Variants in TAF8 observed in about 807,000 individuals in gnomAD.
TAF8 encodes the protein transcription initiation factor TFIID subunit 8.
In TAF8, 47 loss-of-function variants were observed where a neutral mutation model predicts 36.5. The observed-to-expected ratio is 1.29, with a 90% confidence interval of 1.02 to 1.64. The LOEUF is 1.64. Among genes scored for constraint, TAF8 ranks in the 40% most tolerant of loss-of-function variants. TAF8 has a pLI of 0.00. For synonymous variants in TAF8, 175 were observed against 159.5 expected, an observed-to-expected ratio of 1.10 and a Z score of -0.73; for missense variants, 420 against 407.6, an observed-to-expected ratio of 1.03 and a Z score of -0.26.
chr6:42,076,524 T>C (rs1444572898), intron 7 of TAF8, among the ~76,000 whole-genome samples: 1 of 152,210 alleles, frequency 6.6e-6, no homozygotes, highest in African/African-American at 2.4e-5. Context: ...TGCTGGTACC[T>C]GCTGGCTCTG....
At position 42,051,529 on chromosome 6, in the gene TAF8, C is replaced by G. The variant is rs1471658400; in HGVS notation, c.202+16C>G. ...CTGCAGAGCTGTGAGTACATGGAAA[C>G]ACTTGGCCTTGGAGTCAACCCCAAC... is the stretch of plus-strand genomic sequence containing the variant. On this transcript the variant is annotated intron_variant, in intron 2 of 8. Coordinates refer to ENST00000372977, the MANE Select transcript of TAF8 (RefSeq NM_138572.3). 2 of 1,612,040 alleles carry G rather than the reference C, an allele frequency of 1.2e-6. No homozygotes were observed. The highest frequency in any genetic ancestry group is 8.5e-7 in the Non-Finnish European group (1 of 1,178,670).
At position 42,055,563 on chromosome 6, in the gene TAF8, T is replaced by TA; in HGVS notation, c.236dup (p.Tyr79Ter). 1.2e-6 allele frequency: 2 copies of TA among 1,614,212 alleles called. No individual in the cohort carries two copies. The highest frequency in any genetic ancestry group is 1.7e-6 in the Non-Finnish European group (2 of 1,180,024). ...AGAAATTGGGAGAAGTGCCAAGTCT[T>TA]ACTGTGAGCACACAGCCAGGACCCA... ...ISEIGRSAKS[Y>*]CEHTARTQPT... is the part of the protein sequence containing the mutation. The change falls in exon 3 of 9, where the codon TAC becomes TAAC. Residue 79 changes from tyrosine (Y) to a stop codon, truncating the protein, a stop_gained and frameshift_variant. Coordinates refer to ENST00000372977, the MANE Select transcript of TAF8 (RefSeq NM_138572.3). LOFTEE classifies it high-confidence loss of function.
At chr6:42,070,915 G>A (rs1765542286) in intron 7 of TAF8, among the ~76,000 whole-genome samples, 1 of 152,094 alleles carries the variant, frequency 6.6e-6, no homozygotes, top group African/African-American at 2.4e-5. Context: ...GACAACATGT[G>A]GGTTCAGAGA....
chr6:42,059,740 C>T (rs1048207720), intron 5 of TAF8, among the ~76,000 whole-genome samples: 2 of 152,170 alleles, frequency 1.3e-5, no homozygotes, highest in Non-Finnish European at 2.9e-5. Flanking sequence ...GTTTAGCCTC[C>T]GCCCAGGAAT....
At chr6:42,066,139 G>A (rs190293274) in intron 5 of TAF8, among the ~76,000 whole-genome samples, 173 bp from the exon 6 acceptor site, 1 of 152,334 alleles carries the variant, frequency 6.6e-6, no homozygotes, top group Admixed American at 6.5e-5. Flanking sequence ...GATCTCAGGT[G>A]ATCCACCAGC....
At position 42,056,858 on chromosome 6, in the gene TAF8, G is replaced by A. The variant is rs113680821; in HGVS notation, c.365-531G>A. 4.2e-3 allele frequency among the ~76,000 whole-genome samples: 645 copies of A among 152,178 alleles called. 3 individuals carry two copies. Among genetic ancestry groups the A allele is most frequent in the Middle Eastern group, 0.02 (6 of 294 alleles). The stretch of plus-strand genomic sequence containing the variant: ...TGACCTCGAGTGATCCGCCTGCCTC[G>A]GCCTCTCAGAGTGCTGGGATTACAG... On this transcript the variant is annotated intron_variant, in intron 4 of 8. Transcript: ENST00000372977.
downstream of TAF8, chr6:42,086,822 C>G: frequency 7.1e-7 from 1 of 1,406,160 alleles, no homozygotes; most frequent in Non-Finnish European, 9.8e-7. Context: ...AAGAAAGACA[C>G]ACACGGAAGC....
At chr6:42,086,945 CAACCCA>C (rs1252955338), downstream of TAF8, 3 of 640,262 alleles carry the variant, frequency 4.7e-6, no homozygotes, top group Non-Finnish European at 8.4e-6. Context: ...GTCATTCAGC[CAACCCA>C]GAGGATGTAG....
intron 5 of TAF8, among the ~76,000 whole-genome samples, chr6:42,062,135 G>A (rs1468735228): frequency 6.6e-6 from 1 of 152,004 alleles, no homozygotes; most frequent in Admixed American, 6.6e-5. Context: ...ATCATCTTCA[G>A]AAGAGAAAAA....
intron 7 of TAF8, among the ~76,000 whole-genome samples, chr6:42,076,819 G>A (rs781744183): frequency 1.1e-4 from 17 of 152,270 alleles, no homozygotes; most frequent in Non-Finnish European, 2.4e-4. Context: ...CCTCCCAGGT[G>A]TCTGTTCTTT....
chr6:42,051,476 A>C lies in TAF8; in HGVS notation c.165A>C (p.Lys55Asn). The change falls in exon 2 of 9, where the codon AAA (lysine) becomes AAC (asparagine). Residue 55 changes from lysine to asparagine, a missense_variant. Physicochemically the swap from Lys to Asn is moderately conservative, Grantham distance 94. Coordinates refer to ENST00000372977, the MANE Select transcript of TAF8 (RefSeq NM_138572.3). ...LTEAGFESAE[K>N]ASVETLTEML... is the part of the protein sequence containing the mutation. ...AGGCAGGGTTTGAGAGTGCCGAGAA[A>C]GCATCCGTGGAAACGCTGACAGAGA... is the stretch of plus-strand genomic sequence containing the variant. 1 of 1,614,124 alleles carries C rather than the reference A, an allele frequency of 6.2e-7. No homozygotes were observed.
intron 7 of TAF8, among the ~76,000 whole-genome samples, chr6:42,068,918 A>C (rs1765459240): frequency 6.6e-6 from 1 of 152,120 alleles, no homozygotes; most frequent in Non-Finnish European, 1.5e-5. Context: ...AGGAGATAGG[A>C]AGTGGGGATG....
At chr6:42,064,021 A>G (rs984043080) in intron 5 of TAF8, among the ~76,000 whole-genome samples, 1 of 152,216 alleles carries the variant, frequency 6.6e-6, no homozygotes, top group African/African-American at 2.4e-5. Flanking sequence ...TGAAAATGGT[A>G]CATCACAAAC....
In TAF8 at chr6:42,080,609, C is replaced by T. The variant is rs1765895452; in HGVS notation, c.*3064C>T. On this transcript the variant is annotated 3_prime_UTR_variant, in exon 9 of 9. Transcript: ENST00000372977. ...CAGGGTGGTCTCGAACACCTGACCT[C>T]AGATGATCCACCCACCTCGGCCTCC... 2 of 805,984 alleles carry T rather than the reference C, an allele frequency of 2.5e-6. No homozygotes were observed. The highest frequency in any genetic ancestry group is 1.9e-5 in the African/African-American group (1 of 53,508). The allele number at this position is 805,984 out of a possible 1,614,324, so 49.9% of individuals were successfully genotyped here.
At chr6:42,071,276 CT>C (rs553072115) in intron 7 of TAF8, 2 of 185,094 alleles carry the variant, frequency 1.1e-5, no homozygotes, top group Non-Finnish European at 2.1e-5. Flanking sequence ...CCTGTGTCAT[CT>C]CTATTTGCTG....
At chr6:42,063,592 GTTTGT>G (rs1249848652) in intron 5 of TAF8, 1 of 152,096 alleles carries the variant, frequency 6.6e-6, no homozygotes, top group Non-Finnish European at 1.5e-5. Flanking sequence ...TAGGGTTTTT[GTTTGT>G]TTTGTTGTTC....
rs184457260 is a variant in TAF8, at chr6:42,052,558, G to C, written c.202+1045G>C. On this transcript the variant is annotated intron_variant, in intron 2 of 8. Transcript: ENST00000372977. ...GCTGGTCTTGAACTCCTGACCTCAG[G>C]TGATCCACCCACCTTGGCCTCTCAA... Among the ~76,000 whole-genome samples the C allele has an allele frequency of 3.5e-4, 53 of 152,302 alleles. No homozygotes were observed. In the East Asian group the frequency reaches 9.7e-3, roughly 28 times the overall value.
chr6:42,051,336 A>G, intron 1 of TAF8, 21 bp from the exon 2 acceptor site: 2 of 1,601,194 alleles, frequency 1.2e-6, no homozygotes, highest in Non-Finnish European at 1.7e-6. Flanking sequence ...TGTGGATGAA[A>G]ATCTCTCTGC....
In TAF8 at chr6:42,056,012, C is replaced by T; in HGVS notation, c.362C>T (p.Ala121Val). The T allele has an allele frequency of 1.2e-6, 2 of 1,605,524 alleles. No homozygotes were observed. Among genetic ancestry groups the T allele is most frequent in the Non-Finnish European group, 1.7e-6 (2 of 1,172,140 alleles). ...CGGTCTCAGAGGATGGTCATCACTG[C>T]TCGTAAGTGACTTTGAACTGAGGTA... is the stretch of plus-strand genomic sequence containing the variant. ...AKRSQRMVITAPPVTNQPVTP... is the reference protein window; with the variant it reads ...AKRSQRMVITVPPVTNQPVTP... Residue 121 changes from alanine (A) to valine (V), a missense_variant and splice_region_variant, in exon 4 of 9, where the codon GCT becomes GTT. Ala to Val is a moderately conservative substitution (Grantham distance 64). Coordinates refer to ENST00000372977, the MANE Select transcript of TAF8 (RefSeq NM_138572.3).
Sources: gnomAD v4.1 joint callset for allele counts (sites outside exome capture counted in the v4.1 genomes callset) on GRCh38, gnomAD v4.1.1 for gene constraint, MANE v1.5 for transcripts, NCBI Gene and HGNC (gene_info 2026-07-23, HGNC 2026-07-21) for gene names.